Variants in UBXN4 observed in about 807,000 individuals in gnomAD.
UBXN4 encodes UBX domain-containing protein 4.
UBXN4 carries 35 observed loss-of-function variants against 66.2 expected under a neutral mutation model. The ratio of observed to expected loss-of-function variants is 0.53; its 90% CI spans 0.40 to 0.70. The LOEUF (loss-of-function observed/expected upper bound fraction) is 0.70, where lower values mean the gene tolerates loss of function less well. Ranked by LOEUF, UBXN4 falls within the 30% of genes least tolerant of loss-of-function variation. The probability of loss-of-function intolerance (pLI) is 0.00; values close to 1 mark genes in which losing one functional copy is unlikely to be tolerated. For missense variants in UBXN4, 533 were observed against 599.8 expected (o/e 0.89, Z 1.16); for synonymous variants, 203 against 204.5 (o/e 0.99, Z 0.06).
intron 6 of UBXN4, among the ~76,000 whole-genome samples, chr2:135,765,335 G>A (rs1216830291): frequency 4.0e-5 from 6 of 151,516 alleles, no homozygotes; most frequent in African/African-American, 1.5e-4. Flanking sequence ...TCAGCCTCCC[G>A]AGTAGCTGGG....
chr2:135,742,162 G>A, intron 1 of UBXN4, 151 bp downstream of exon 1: 1 of 909,070 alleles, frequency 1.1e-6, no homozygotes, highest in Non-Finnish European at 1.6e-6. Context: ...CCCCAGGGAC[G>A]GCTGCGACTC....
In UBXN4 at chr2:135,780,204, A is replaced by G. The variant is rs1291481402; in HGVS notation, c.1207A>G (p.Ile403Val). ...LLPAGRPTAS[I>V]VHSSSGDIWT... ...CTAGGCAGGAAGACCAACTGCATCC[A>G]TTGTACACTCTTCCAGCGGAGACAT... is the stretch of plus-strand genomic sequence containing the variant. Residue 403 changes from isoleucine (I) to valine (V), a missense_variant, in exon 12 of 13, where the codon ATT becomes GTT. Physicochemically the swap from Ile to Val is conservative, Grantham distance 29. Around this residue, in one of 2 missense-constraint regions of UBXN4, gnomAD observed 529 missense variants for 580.1 expected, o/e 0.91. Coordinates refer to ENST00000272638, the MANE Select transcript of UBXN4 (RefSeq NM_014607.4). 3 of 1,613,978 alleles carry G rather than the reference A, an allele frequency of 1.9e-6. No homozygotes were observed. The East Asian group carries it at 6.7e-5, about 36-fold the overall frequency.
At chr2:135,760,142 A>G (rs2077306372) in intron 5 of UBXN4, among the ~76,000 whole-genome samples, 1 of 152,178 alleles carries the variant, frequency 6.6e-6, no homozygotes, top group Non-Finnish European at 1.5e-5. Context: ...TGGGTCACCC[A>G]TAAAGTTACA....
Position 135,780,319 on chromosome 2 carries a change from A to G in UBXN4, c.1322A>G (p.Gln441Arg). The change falls in exon 12 of 13, where the codon CAG (glutamine) becomes CGG (arginine). Residue 441 changes from glutamine to arginine, a missense_variant. Physicochemically the swap from Gln to Arg is conservative, Grantham distance 43 (BLOSUM62 1). Coordinates refer to ENST00000272638, the MANE Select transcript of UBXN4 (RefSeq NM_014607.4). ...NFLFSNPPPTQTSVRVTSSEP... is the reference protein window; with the variant it reads ...NFLFSNPPPTRTSVRVTSSEP... ...TTGTTTAGTAATCCGCCTCCCACAC[A>G]GACTTCAGTGAGAGTAACATCGTCA... 1 of 1,614,220 alleles carries G rather than the reference A, an allele frequency of 6.2e-7. No homozygotes were observed. Among genetic ancestry groups the G allele is most frequent in the South Asian group, 1.1e-5 (1 of 91,080 alleles).
intron 1 of UBXN4, 41 bp downstream of exon 1, chr2:135,742,052 TC>T: frequency 6.2e-7 from 1 of 1,600,518 alleles, no homozygotes; most frequent in Non-Finnish European, 8.5e-7. Flanking sequence ...GGGACACCCC[TC>T]CGGCCTACCT....
intron 12 of UBXN4, among the ~76,000 whole-genome samples, chr2:135,781,538 G>C (rs1322833245): frequency 6.6e-6 from 1 of 152,150 alleles, no homozygotes; most frequent in East Asian, 1.9e-4. Flanking sequence ...AGAAGCCCTA[G>C]TCATGTGTTT....
intron 1 of UBXN4, among the ~76,000 whole-genome samples, chr2:135,746,497 G>A (rs1322928743): frequency 1.3e-5 from 2 of 152,152 alleles, no homozygotes; most frequent in African/African-American, 2.4e-5. Flanking sequence ...AGGAGATAAG[G>A]GAGCTTTGGG....
intron 2 of UBXN4, among the ~76,000 whole-genome samples, chr2:135,751,714 CG>C (rs1344106389): frequency 1.3e-5 from 2 of 151,316 alleles, no homozygotes; most frequent in African/African-American, 4.9e-5. Flanking sequence ...GTAGGAAATG[CG>C]TAAAAAGTTT....
At position 135,780,533 on chromosome 2, in the gene UBXN4, A is replaced by G. The variant is rs2105510550; in HGVS notation, c.1388+148A>G. The stretch of plus-strand genomic sequence containing the variant: ...AAAAACTCCGATGCTCTGAAACTTT[A>G]TTACATCATCTCTACTGCAGAGCTC... On this transcript the variant is annotated intron_variant, in intron 12 of 12. Transcript: ENST00000272638. 5.3e-6 allele frequency: 4 copies of G among 761,882 alleles called. No homozygotes were observed. The South Asian group carries it at 7.3e-5, about 14-fold the overall frequency. The allele number at this position is 761,882 out of a possible 1,614,324, so 47.2% of individuals were successfully genotyped here.
intron 6 of UBXN4, among the ~76,000 whole-genome samples, chr2:135,769,158 T>C (rs1179586465): frequency 1.3e-5 from 2 of 152,172 alleles, no homozygotes; most frequent in East Asian, 3.9e-4. Flanking sequence ...CACGCCACCA[T>C]GCCTGGCTAA....
intron 4 of UBXN4, 132 bp from the exon 5 acceptor site, chr2:135,755,385 G>C: frequency 1.7e-6 from 1 of 589,148 alleles, no homozygotes; most frequent in African/African-American, 1.9e-5. Context: ...ATACATTTTG[G>C]ATTCATCTAT....
intron 10 of UBXN4, among the ~76,000 whole-genome samples, chr2:135,777,214 CCT>C (rs754865030): frequency 2.6e-5 from 4 of 151,966 alleles, no homozygotes; most frequent in Non-Finnish European, 5.9e-5. Context: ...ATTTTTATTC[CCT>C]GATTGATTCC....
chr2:135,752,953 T>G (rs928659581), intron 2 of UBXN4, among the ~76,000 whole-genome samples: 19 of 151,574 alleles, frequency 1.3e-4, no homozygotes, highest in Non-Finnish European at 1.0e-4. Context: ...CTACTGACTT[T>G]GTGATTCACC....
Position 135,785,018 on chromosome 2 carries a change from T to C in UBXN4, c.*2131T>C, listed in dbSNP as rs2077475416. Reference sequence around the variant, plus strand: ...ATTTGTATGCGTATATAAGCAAATATGTAATCTTTATTTTTTAAATAAATG... The same window carrying C: ...ATTTGTATGCGTATATAAGCAAATACGTAATCTTTATTTTTTAAATAAATG... On this transcript the variant is annotated 3_prime_UTR_variant, in exon 13 of 13. Transcript: ENST00000272638. 1 of 152,232 alleles carries C rather than the reference T, an allele frequency of 6.6e-6. No individual in the cohort carries two copies. The allele number at this position is 152,232 out of a possible 1,614,324, so 9.4% of individuals were successfully genotyped here. A position where few individuals can be genotyped will look rare whatever the true frequency, so the allele number is the denominator to read the frequency against.
At chr2:135,749,066 A>G (rs894381220) in intron 2 of UBXN4, among the ~76,000 whole-genome samples, 13 of 152,048 alleles carry the variant, frequency 8.5e-5, no homozygotes, top group African/African-American at 3.1e-4. Context: ...TGTTTATGCT[A>G]TGTTTTTGGG....
At chr2:135,745,875 C>CTTTTTTATTTTTTTTTT (rs2077204386) in intron 1 of UBXN4, among the ~76,000 whole-genome samples, 1 of 74,392 alleles carries the variant, frequency 1.3e-5, no homozygotes, top group Non-Finnish European at 2.3e-5. Context: ...GTCCCGTTTA[C>CTTTTTTATTTTTTTTTT]TTTTTTTTTT....
chr2:135,776,267 A>G lies in UBXN4; in HGVS notation c.969A>G (p.Gln323=), dbSNP rs780857330. 4.3e-6 allele frequency: 7 copies of G among 1,614,018 alleles called. No individual in the cohort carries two copies. The highest frequency in any genetic ancestry group is 1.7e-5 in the Admixed American group (1 of 60,000). ...ARERSTVARI[Q]FRLPDGSSFT... The stretch of plus-strand genomic sequence containing the variant: ...TTCATAGCACTGTTGCAAGAATTCA[A>G]TTCCGTCTTCCTGATGGTTCTTCCT... Residue 323 remains glutamine (Q), a synonymous_variant, in exon 10 of 13, where the codon CAA becomes CAG. Transcript: ENST00000272638.
chr2:135,742,022 CAG>C lies in UBXN4; in HGVS notation c.82+12_82+13del, dbSNP rs754868202. 2.5e-6 allele frequency: 4 copies of C among 1,612,218 alleles called. No individual in the cohort carries two copies. The highest frequency in any genetic ancestry group is 1.3e-5 in the African/African-American group (1 of 74,798). On this transcript the variant is annotated intron_variant, in intron 1 of 12. Coordinates refer to ENST00000272638, the MANE Select transcript of UBXN4 (RefSeq NM_014607.4). ...TGGTGTTCGTGGCAGGTGAAGGAGG[CAG>C]GGGTTCGAGAGGCGGCCGGGACACC...
chr2:135,761,275 C>G (rs1333855769), intron 5 of UBXN4, among the ~76,000 whole-genome samples: 1 of 152,210 alleles, frequency 6.6e-6, no homozygotes, highest in Non-Finnish European at 1.5e-5. Context: ...AAGAGGCTCT[C>G]TAAGGAACCA....
Sources: gnomAD v4.1 joint callset for allele counts (sites outside exome capture counted in the v4.1 genomes callset) on GRCh38, gnomAD v4.1.1 for gene constraint, gnomAD v4.1.1 regional missense constraint, MANE v1.5 for transcripts, NCBI Gene and HGNC (gene_info 2026-07-23, HGNC 2026-07-21) for gene names.